The following GLYR1 variants were observed in gnomAD, a reference collection of about 807,000 sequenced individuals.
The protein encoded by GLYR1 is cytokine-like nuclear factor N-PAC.
GLYR1 carries 21 observed loss-of-function variants against 72.7 expected under a neutral mutation model. That is an observed-to-expected ratio of 0.29 (90% CI 0.20 to 0.42). The LOEUF is 0.42. Ranked by LOEUF, GLYR1 falls within the 10% of genes least tolerant of loss-of-function variation. The pLI is 1.00. For synonymous variants in GLYR1, 392 were observed against 270.2 expected (o/e 1.45, Z -4.42); for missense variants, 594 against 712.1 (o/e 0.83, Z 1.89).
intron 7 of GLYR1, 100 bp downstream of exon 7, chr16:4,822,775 G>T (rs959893379): frequency 2.9e-5 from 28 of 979,578 alleles, no homozygotes; most frequent in Middle Eastern, 4.2e-4. Flanking sequence ...GCAATACACC[G>T]GCAGAGCCTA....
intron 9 of GLYR1, among the ~76,000 whole-genome samples, chr16:4,818,831 C>T (rs1222833826): frequency 6.6e-6 from 1 of 152,136 alleles, no homozygotes; most frequent in African/African-American, 2.4e-5. Context: ...TCCACAAATC[C>T]TTCTCCCCAT....
Position 4,804,929 on chromosome 16 carries a change from G to C in GLYR1, c.*307C>G, listed in dbSNP as rs1037359863. The C allele has an allele frequency of 2.6e-6, 1 of 388,676 alleles. No homozygotes were observed. Among genetic ancestry groups the C allele is most frequent in the Non-Finnish European group, 4.7e-6 (1 of 213,638 alleles). 24.1% of individuals were successfully genotyped at this position (388,676 alleles called of 1,614,324 possible). The stretch of plus-strand genomic sequence containing the variant: ...CTGGGCAGCTTCTATCCTGGGGCGA[G>C]AGCCTGTGTGTGTGTGTGTGTGTGT... On this transcript the variant is annotated 3_prime_UTR_variant, in exon 16 of 16. Transcript: ENST00000321919.
At chr16:4,837,416 G>C (rs1264033248) in intron 3 of GLYR1, among the ~76,000 whole-genome samples, 1 of 151,314 alleles carries the variant, frequency 6.6e-6, no homozygotes, top group Non-Finnish European at 1.5e-5. Context: ...GGGCGACAGA[G>C]CAAGACTTGG....
Position 4,832,111 on chromosome 16 carries a change from C to T in GLYR1, c.405G>A (p.Lys135=), listed in dbSNP as rs1486137081. ...TTCCTTCTCCCATGTTCTTCTTCAC[C>T]TTCCCTTCAGACAGGCTAAGTTTGC... ...EKRKLSLSEG[K]VKKNMGEGKK... is the part of the protein sequence containing the mutation. Residue 135 remains lysine (K), a synonymous_variant, in exon 5 of 16, where the codon AAG becomes AAA. Coordinates refer to ENST00000321919, the MANE Select transcript of GLYR1 (RefSeq NM_032569.4). 14 of 1,614,194 alleles carry T rather than the reference C, an allele frequency of 8.7e-6. No individual in the cohort carries two copies. Among genetic ancestry groups the T allele is most frequent in the Non-Finnish European group, 1.2e-5 (14 of 1,180,034 alleles).
At position 4,803,365 on chromosome 16, in the gene GLYR1, A is replaced by C. The variant is rs1373163994; in HGVS notation, c.*1871T>G. The C allele has an allele frequency of 1.3e-5, 2 of 152,666 alleles. No individual in the cohort carries two copies. The highest frequency in any genetic ancestry group is 4.8e-5 in the African/African-American group (2 of 41,452). The allele number at this position is 152,666 out of a possible 1,614,324, so 9.5% of individuals were successfully genotyped here. ...TAAAAATTCACAACCTTAATTACCT[A>C]GATTTGTCATTTAAAGGTTTAAAGA... On this transcript the variant is annotated 3_prime_UTR_variant, in exon 16 of 16. Transcript: ENST00000321919.
chr16:4,822,813 A>G, intron 7 of GLYR1, 62 bp downstream of exon 7: 1 of 1,371,858 alleles, frequency 7.3e-7, no homozygotes, highest in South Asian at 1.2e-5. Flanking sequence ...GCCAGGACCC[A>G]GTGGAGGAGC....
intron 3 of GLYR1, among the ~76,000 whole-genome samples, chr16:4,844,871 T>C (rs562757443): frequency 6.6e-6 from 1 of 152,298 alleles, no homozygotes; most frequent in Admixed American, 6.5e-5. Context: ...TTGCCTGACT[T>C]AGTTATAGAC....
At chr16:4,812,021 T>A in intron 13 of GLYR1, 65 bp downstream of exon 13, 1 of 1,548,728 alleles carries the variant, frequency 6.5e-7, no homozygotes, top group Non-Finnish European at 8.7e-7. Context: ...ACTGACGCTG[T>A]CATCAGTGTG....
At chr16:4,840,127 G>C (rs1812037222) in intron 3 of GLYR1, 3 of 152,388 alleles carry the variant, frequency 2.0e-5, no homozygotes, top group Admixed American at 2.0e-4. Flanking sequence ...TGCAATACCT[G>C]TTTACACCAC....
chr16:4,817,182 C>T (rs1323183309), intron 10 of GLYR1, among the ~76,000 whole-genome samples: 4 of 151,284 alleles, frequency 2.6e-5, no homozygotes, highest in Non-Finnish European at 2.9e-5. Context: ...TGCAGTGGCG[C>T]GATCTCGGCT....
chr16:4,831,890 G>C, intron 5 of GLYR1, 89 bp downstream of exon 5: 3 of 1,508,346 alleles, frequency 2.0e-6, no homozygotes, highest in Non-Finnish European at 2.7e-6. Flanking sequence ...GTATAGATAA[G>C]CATACTACAT....
At chr16:4,847,192 C>T (rs774206694) in intron 1 of GLYR1, 36 bp downstream of exon 1, 2 of 1,577,944 alleles carry the variant, frequency 1.3e-6, no homozygotes, top group Non-Finnish European at 1.7e-6. Context: ...GGTAGCTCCC[C>T]GGCGCGTCTC....
At chr16:4,821,683 A>G in intron 7 of GLYR1, 86 bp from the exon 8 acceptor site, 1 of 1,269,130 alleles carries the variant, frequency 7.9e-7, no homozygotes, top group Non-Finnish European at 1.2e-6. Flanking sequence ...TTAGACCCAA[A>G]GTGGGAAGTT....
At chr16:4,817,029 T>C (rs1394539513) in intron 10 of GLYR1, among the ~76,000 whole-genome samples, 1 of 151,460 alleles carries the variant, frequency 6.6e-6, no homozygotes, top group Non-Finnish European at 1.5e-5. Context: ...CTGCAACCTC[T>C]GCCTCCCACA....
chr16:4,823,214 A>G (rs1218642594), intron 6 of GLYR1, among the ~76,000 whole-genome samples: 1 of 152,266 alleles, frequency 6.6e-6, no homozygotes, highest in African/African-American at 2.4e-5. Flanking sequence ...ATTAACAAGC[A>G]TACCTGTGCT....
In GLYR1 at chr16:4,803,490, A is replaced by G. The variant is rs903117727; in HGVS notation, c.*1746T>C. The G allele has an allele frequency of 6.5e-6, 1 of 152,672 alleles. No homozygotes were observed. The highest frequency in any genetic ancestry group is 1.5e-5 in the Non-Finnish European group (1 of 68,044). 9.5% of individuals were successfully genotyped at this position (152,672 alleles called of 1,614,324 possible). A position where few individuals can be genotyped will look rare whatever the true frequency, so the allele number is the denominator to read the frequency against. On this transcript the variant is annotated 3_prime_UTR_variant, in exon 16 of 16. Transcript: ENST00000321919. ...GAAAGGTGAAATAGCTTAAACAGAAATATTCATAAAAAGGAACTTTACAGA... is the reference window on the plus strand; with the variant it reads ...GAAAGGTGAAATAGCTTAAACAGAAGTATTCATAAAAAGGAACTTTACAGA...
At chr16:4,820,005 T>C (rs1020601882) in intron 9 of GLYR1, among the ~76,000 whole-genome samples, 3 of 152,214 alleles carry the variant, frequency 2.0e-5, no homozygotes, top group Non-Finnish European at 4.4e-5. Context: ...ATAAAGCTTC[T>C]GGATTTTTTT....
At chr16:4,826,772 C>A (rs1431413521) in intron 5 of GLYR1, among the ~76,000 whole-genome samples, 10 of 152,212 alleles carry the variant, frequency 6.6e-5, no homozygotes, top group Admixed American at 6.5e-4. Context: ...GGAGAAGCTG[C>A]ATTTTAATGT....
chr16:4,805,178 T>G lies in GLYR1; in HGVS notation c.*58A>C. 32 of 1,407,924 alleles carry G rather than the reference T, an allele frequency of 2.3e-5. No homozygotes were observed. The highest frequency in any genetic ancestry group is 2.8e-5 in the Non-Finnish European group (28 of 995,788). The allele number at this position is 1,407,924 out of a possible 1,614,324, so 87.2% of individuals were successfully genotyped here. A position where few individuals can be genotyped will look rare whatever the true frequency, so the allele number is the denominator to read the frequency against. On this transcript the variant is annotated 3_prime_UTR_variant, in exon 16 of 16. Coordinates refer to ENST00000321919, the MANE Select transcript of GLYR1 (RefSeq NM_032569.4). ...ATGAACTCCCAGGCCCCCGACCCCATGTGAGGAAGAGGGGGTCAGAGGGGG... is the reference window on the plus strand; with the variant it reads ...ATGAACTCCCAGGCCCCCGACCCCAGGTGAGGAAGAGGGGGTCAGAGGGGG...
Sources: gnomAD v4.1 joint callset for allele counts (sites outside exome capture counted in the v4.1 genomes callset) on GRCh38, gnomAD v4.1.1 for gene constraint, MANE v1.5 for transcripts, NCBI Gene and HGNC (gene_info 2026-07-23, HGNC 2026-07-21) for gene names.